Variants in ADGRG5 observed in about 807,000 individuals in gnomAD.
ADGRG5 encodes the protein adhesion G protein-coupled receptor G5, also known as G protein-coupled receptor 114.
ADGRG5 carries 37 observed loss-of-function variants against 53.2 expected under a neutral mutation model. The observed-to-expected ratio is 0.70, with a 90% CI of 0.53 to 0.91. ADGRG5 has a LOEUF of 0.91. Ranked by LOEUF, ADGRG5 falls within the 40% of genes least tolerant of loss-of-function variation. The pLI is 0.00. For synonymous variants in ADGRG5, 277 were observed against 290.4 expected (o/e 0.95, Z 0.47); for missense variants, 614 against 675.8 (o/e 0.91, Z 1.01).
At chr16:57,541,467 C>T (rs2032489038), upstream of ADGRG5, among the ~76,000 whole-genome samples, 1 of 152,160 alleles carries the variant, frequency 6.6e-6, no homozygotes, top group Non-Finnish European at 1.5e-5. Flanking sequence ...GACACAGGTG[C>T]ACCGGTGTCC....
At chr16:57,536,807 C>A in the ADGRG5 span, among the ~76,000 whole-genome samples, 1 of 152,162 alleles carries the variant, frequency 6.6e-6, no homozygotes, top group Admixed American at 6.5e-5. Context: ...AGGCCCCACC[C>A]CCGTGAGGGG....
chr16:57,535,173 CCACAGACTGCGGG>C, the ADGRG5 span, among the ~76,000 whole-genome samples: 3 of 152,330 alleles, frequency 2.0e-5, no homozygotes, highest in Non-Finnish European at 4.4e-5. Flanking sequence ...GCTGGTCAGC[CCACAGACTGCGGG>C]CACCTGTCCC....
In ADGRG5 at chr16:57,574,833, C is replaced by T. The variant is rs145913178; in HGVS notation, c.1227C>T (p.Pro409=). The part of the protein sequence containing the change: ...QNMSICWVRS[P]VVHSVLVMGY... ...CCTGCAGATGCTGGGTGCGGAGCCC[C>T]GTGGTGCACAGTGTCCTGGTCATGG... Residue 409 remains proline, a synonymous_variant, in exon 11 of 12, where the codon CCC becomes CCT. Coordinates refer to ENST00000349457, the MANE Select transcript of ADGRG5 (RefSeq NM_001304376.3). The surrounding 1 kb of genome is among the most constrained non-coding windows in gnomAD (Gnocchi z 4.4). 82 of 1,590,560 alleles carry T rather than the reference C, an allele frequency of 5.2e-5. No individual in the cohort carries two copies. Among genetic ancestry groups the T allele is most frequent in the Middle Eastern group, 1.9e-4 (1 of 5,226 alleles).
the ADGRG5 span, among the ~76,000 whole-genome samples, chr16:57,537,226 G>A: frequency 1.3e-5 from 2 of 152,114 alleles, no homozygotes; most frequent in Non-Finnish European, 2.9e-5. Flanking sequence ...TCTCTATTGG[G>A]GGTAGGATGT....
intron 1 of ADGRG5, among the ~76,000 whole-genome samples, chr16:57,558,411 C>T (rs1464081742): frequency 3.3e-5 from 5 of 152,238 alleles, no homozygotes; most frequent in Non-Finnish European, 5.9e-5. Context: ...ACTCCGCGCT[C>T]AGCATTGCAT....
intron 1 of ADGRG5, among the ~76,000 whole-genome samples, chr16:57,555,276 TG>T (rs1157767538): frequency 1.3e-5 from 2 of 152,204 alleles, no homozygotes; most frequent in Non-Finnish European, 2.9e-5. Context: ...CCATGTGTCA[TG>T]GGAGGGACTG....
At chr16:57,548,591 C>A (rs1694439089) in intron 1 of ADGRG5, among the ~76,000 whole-genome samples, 2 of 152,118 alleles carry the variant, frequency 1.3e-5, no homozygotes, top group African/African-American at 4.8e-5. Context: ...TGTGCGAGAC[C>A]TTTAAAGAAA....
chr16:57,573,684 A>G (rs1200597531), intron 10 of ADGRG5, among the ~76,000 whole-genome samples: 1 of 152,168 alleles, frequency 6.6e-6, no homozygotes, highest in East Asian at 1.9e-4. Flanking sequence ...GTAAATGGAG[A>G]GGATATTTTC....
At chr16:57,553,383 T>C (rs1458803757) in intron 1 of ADGRG5, among the ~76,000 whole-genome samples, 1 of 152,258 alleles carries the variant, frequency 6.6e-6, no homozygotes. Flanking sequence ...AGATGGCTTT[T>C]TTGTTGGCAT....
intron 11 of ADGRG5, 94 bp from the exon 12 acceptor site, chr16:57,575,344 G>A: frequency 8.3e-7 from 1 of 1,203,184 alleles, no homozygotes; most frequent in Non-Finnish European, 1.2e-6. Context: ...AGTTGCCCAT[G>A]GGCCCCAGGG....
Position 57,563,893 on chromosome 16 carries a change from G to A in ADGRG5, c.343G>A (p.Ala115Thr), listed in dbSNP as rs747653288. 1.7e-5 allele frequency: 27 copies of A among 1,613,918 alleles called. No individual in the cohort carries two copies. The South Asian group carries it at 1.8e-4, about 11-fold the overall frequency. ...GGGTCAGCACGCCATGCAGTTCCCCGCCGAGCTGACCCGGGACGCCTGCAA... is the reference window on the plus strand; with the variant it reads ...GGGTCAGCACGCCATGCAGTTCCCCACCGAGCTGACCCGGGACGCCTGCAA... The part of the protein sequence containing the change: ...ARGQHAMQFP[A>T]ELTRDACKTR... The change falls in exon 5 of 12, where the codon GCC becomes ACC. Residue 115 changes from alanine (A) to threonine (T), a missense_variant. Physicochemically the swap from Ala to Thr is moderately conservative, Grantham distance 58 (BLOSUM62 0). Transcript: ENST00000349457.
At chr16:57,565,332 T>C (rs1269367268) in intron 6 of ADGRG5, 182 bp downstream of exon 6, 21 of 615,650 alleles carry the variant, frequency 3.4e-5, no homozygotes, top group African/African-American at 3.3e-4. Context: ...TCAGAATTCT[T>C]TCAGTTGCAA....
At chr16:57,554,106 T>C (rs2032818896) in intron 1 of ADGRG5, among the ~76,000 whole-genome samples, 1 of 152,178 alleles carries the variant, frequency 6.6e-6, no homozygotes, top group South Asian at 2.1e-4. Context: ...TTTGTGTATT[T>C]CAAGGAATTT....
At chr16:57,533,605 C>T in the ADGRG5 span, among the ~76,000 whole-genome samples, 1 of 147,770 alleles carries the variant, frequency 6.8e-6, no homozygotes. Context: ...CACATGGCCC[C>T]AGGGACCCGC....
At chr16:57,539,280 C>G (rs1464260428), upstream of ADGRG5, among the ~76,000 whole-genome samples, 1 of 152,076 alleles carries the variant, frequency 6.6e-6, no homozygotes, top group Non-Finnish European at 1.5e-5. Context: ...TGGTCAAATT[C>G]AAGAGACAGA....
In ADGRG5 at chr16:57,570,439, T is replaced by G. The variant is rs753724552; in HGVS notation, c.1112T>G (p.Leu371Arg). ...TCAGGGGCCCCAGCCCTCCTGGTGC[T>G]GCTTTCCCTCTCTGTCAAGAGCTCG... ...LGWGAPALLV[L>R]LSLSVKSSVY... Residue 371 changes from leucine to arginine, a missense_variant, in exon 10 of 12, where the codon CTG becomes CGG. Coordinates refer to ENST00000349457, the MANE Select transcript of ADGRG5 (RefSeq NM_001304376.3). 4.9e-5 allele frequency: 79 copies of G among 1,612,966 alleles called. No homozygotes were observed. Among genetic ancestry groups the G allele is most frequent in the Admixed American group, 4.3e-4 (26 of 60,028 alleles).
At position 57,562,420 on chromosome 16, in the gene ADGRG5, T is replaced by C. The variant is rs115236760; in HGVS notation, c.101T>C (p.Met34Thr). The C allele has an allele frequency of 1.1e-5, 18 of 1,607,844 alleles. No homozygotes were observed. The East Asian group carries it at 3.6e-4, about 32-fold the overall frequency. The part of the protein sequence containing the change: ...WEELLSYMEN[M>T]QVSRGRSSVF... The stretch of plus-strand genomic sequence containing the variant: ...GAACTCCTGAGCTACATGGAGAATA[T>C]GCAGGTGTCCAGGGGCCGGAGCTCA... The change falls in exon 3 of 12, where the codon ATG becomes ACG. Residue 34 changes from methionine to threonine, a missense_variant. By Grantham distance (81) the Met-to-Thr change is moderately conservative (BLOSUM62 -1). Coordinates refer to ENST00000349457, the MANE Select transcript of ADGRG5 (RefSeq NM_001304376.3).
intron 1 of ADGRG5, among the ~76,000 whole-genome samples, chr16:57,551,938 G>A (rs1034408936): frequency 7.9e-5 from 12 of 152,292 alleles, no homozygotes; most frequent in Middle Eastern, 3.4e-3. Flanking sequence ...TTAGCAGCAC[G>A]AGAACAACAT....
At chr16:57,562,311 G>T in intron 2 of ADGRG5, 73 bp from the exon 3 acceptor site, 1 of 1,456,436 alleles carries the variant, frequency 6.9e-7, no homozygotes, top group Non-Finnish European at 9.5e-7. Flanking sequence ...CTCAGGGTGG[G>T]ATGGAAAGCC....
Sources: allele counts gnomAD v4.1 joint callset (sites outside exome capture counted in the v4.1 genomes callset), GRCh38; gene constraint gnomAD v4.1.1; non-coding constraint Gnocchi (gnomAD v3.1); transcripts MANE v1.5; gene names NCBI Gene and HGNC (gene_info 2026-07-23, HGNC 2026-07-21).